The following VPS13D variants were observed in gnomAD, a reference collection of about 807,000 sequenced individuals.
VPS13D encodes vacuolar protein sorting 13 homolog D.
In VPS13D, 187 loss-of-function variants were observed where a neutral mutation model predicts 461.9. The observed-to-expected ratio is 0.40, with a 90% CI of 0.36 to 0.46. The LOEUF (loss-of-function observed/expected upper bound fraction) is 0.46, where lower values mean the gene tolerates loss of function less well. Among genes scored for constraint, VPS13D ranks in the 20% least tolerant of loss-of-function variants. The probability of loss-of-function intolerance (pLI) is 0.60; values close to 1 mark genes in which losing one functional copy is unlikely to be tolerated. For missense variants in VPS13D, 4,711 were observed against 5,364.9 expected, an observed-to-expected ratio of 0.88 and a Z score of 3.81; for synonymous variants, 1,951 against 1,986.3, an observed-to-expected ratio of 0.98 and a Z score of 0.47.
At chr1:12,347,796 G>C (rs1643708005) in intron 44 of VPS13D, among the ~76,000 whole-genome samples, 1 of 152,196 alleles carries the variant, frequency 6.6e-6, no homozygotes, top group Non-Finnish European at 1.5e-5. Context: ...CATTCTAAGA[G>C]TAGTACTTTC....
At chr1:12,296,897 G>T (rs1008411866) in intron 24 of VPS13D, among the ~76,000 whole-genome samples, 32 of 152,092 alleles carry the variant, frequency 2.1e-4, no homozygotes, top group African/African-American at 7.7e-4. Context: ...TGAGTAATTG[G>T]GTTTAACTTC....
Position 12,495,457 on chromosome 1 carries a change from C to T in VPS13D, c.12663-2043C>T, listed in dbSNP as rs890060274. 2.6e-5 allele frequency among the ~76,000 whole-genome samples: 4 copies of T among 152,082 alleles called. No individual in the cohort carries two copies. The highest frequency in any genetic ancestry group is 4.4e-5 in the Non-Finnish European group (3 of 68,016). The stretch of plus-strand genomic sequence containing the variant: ...ACAGGCGTGAGCCACTGCGCCCGGC[C>T]GATGTAACATCTTTTGAAAGGGCCA... On this transcript the variant is annotated intron_variant, in intron 67 of 69. Transcript: ENST00000620676. The surrounding 1 kb of genome is among the most constrained non-coding windows in gnomAD (Gnocchi z 4.0).
chr1:12,379,971 A>G (rs531031399), intron 57 of VPS13D, among the ~76,000 whole-genome samples: 97 of 152,160 alleles, frequency 6.4e-4, no homozygotes, highest in African/African-American at 2.1e-3. Context: ...GAGTTTCACC[A>G]TGTTAGCCAG....
chr1:12,337,130 G>A (rs2101567861), intron 39 of VPS13D: 1 of 151,974 alleles, frequency 6.6e-6, no homozygotes, highest in South Asian at 2.1e-4. Flanking sequence ...ATTAAATGCT[G>A]GTGCTGAGTT....
chr1:12,245,904 G>A (rs533704582), intron 5 of VPS13D, among the ~76,000 whole-genome samples: 4 of 152,258 alleles, frequency 2.6e-5, no homozygotes, highest in African/African-American at 9.6e-5. Flanking sequence ...TGTTTTCAAG[G>A]GTCATCTGTG....
intron 35 of VPS13D, among the ~76,000 whole-genome samples, chr1:12,324,519 C>CTGGA (rs1469978676): frequency 7.9e-5 from 12 of 152,076 alleles, no homozygotes; most frequent in Admixed American, 7.9e-4. Context: ...AAAAGGGGCT[C>CTGGA]TGGAGCTGGC....
chr1:12,338,123 C>A, intron 39 of VPS13D, 108 bp from the exon 40 acceptor site: 1 of 967,414 alleles, frequency 1.0e-6, no homozygotes, highest in Non-Finnish European at 1.6e-6. Flanking sequence ...TTGCATGATG[C>A]TTGCTATTTT....
chr1:12,470,137 G>T (rs1645543399), intron 67 of VPS13D, among the ~76,000 whole-genome samples: 1 of 152,182 alleles, frequency 6.6e-6, no homozygotes, highest in Non-Finnish European at 1.5e-5. Context: ...GATAATGGCA[G>T]GGGTGACCCA....
At chr1:12,405,999 A>G (rs941996144) in intron 63 of VPS13D, among the ~76,000 whole-genome samples, 1 of 152,214 alleles carries the variant, frequency 6.6e-6, no homozygotes, top group Admixed American at 6.5e-5. Context: ...CGCTCGGCAT[A>G]CAATCAACGA....
rs970014601 is a variant in VPS13D at position 12,456,076 on chromosome 1, C to T, written c.12412C>T (p.His4138Tyr). The T allele has an allele frequency of 6.2e-7, 1 of 1,613,880 alleles. No individual in the cohort carries two copies. Among genetic ancestry groups the T allele is most frequent in the Non-Finnish European group, 8.5e-7 (1 of 1,179,906 alleles). The change falls in exon 66 of 70, where the codon CAT (histidine) becomes TAT (tyrosine). Residue 4138 changes from histidine (H) to tyrosine (Y), a missense_variant. This residue lies in a region of VPS13D where 106 missense variants were observed against 206.2 expected (regional missense o/e 0.51). Transcript: ENST00000620676. ...GTCAGAGCGGGAGTACATCAGGTACCATGCAGCCACAAGTGGTGAACACCT... is the reference window on the plus strand; with the variant it reads ...GTCAGAGCGGGAGTACATCAGGTACTATGCAGCCACAAGTGGTGAACACCT... Reference protein sequence around the residue: ...HQSEREYIRYHAATSGEHLVA... With the variant: ...HQSEREYIRYYAATSGEHLVA...
chr1:12,283,687 C>G lies in VPS13D; in HGVS notation c.5585C>G (p.Ser1862Cys). The change falls in exon 21 of 70, where the codon TCC (serine) becomes TGC (cysteine). Residue 1862 changes from serine (S) to cysteine (C), a missense_variant. Ser to Cys is a moderately radical substitution (Grantham distance 112). Transcript: ENST00000620676. ...LHNVKLEPHASMESGLQDPVN... is the reference protein window; with the variant it reads ...LHNVKLEPHACMESGLQDPVN... ...AACGTGAAGTTGGAGCCACATGCCTCCATGGAGTCTGGACTTCAGGATCCA... is the reference window on the plus strand; with the variant it reads ...AACGTGAAGTTGGAGCCACATGCCTGCATGGAGTCTGGACTTCAGGATCCA... 6.2e-7 allele frequency: 1 copy of G among 1,614,138 alleles called. No homozygotes were observed. The highest frequency in any genetic ancestry group is 1.1e-5 in the South Asian group (1 of 91,078).
rs1284035339 is a variant in VPS13D at position 12,334,807 on chromosome 1, G to A, written c.8429-898G>A. 4.6e-5 allele frequency among the ~76,000 whole-genome samples: 7 copies of A among 151,938 alleles called. No individual in the cohort carries two copies. In the South Asian group the frequency reaches 1.0e-3, roughly 23 times the overall value. On this transcript the variant is annotated intron_variant, in intron 38 of 69. Transcript: ENST00000620676. Reference sequence around the variant, plus strand: ...AAAAAATCTTCCAAAAGGCATTCTCGTCAGTGGTAAAATTTGTTTTGTTTT... The same window carrying A: ...AAAAAATCTTCCAAAAGGCATTCTCATCAGTGGTAAAATTTGTTTTGTTTT...
Position 12,279,175 on chromosome 1 carries a change from G to T in VPS13D, c.4451-324G>T, listed in dbSNP as rs1641705624. The stretch of plus-strand genomic sequence containing the variant: ...ATTCGGTTTGGAAAATGCCAGCTTG[G>T]GTGGCTCAGAGAAGCATAATGTAGT... On this transcript the variant is annotated intron_variant, in intron 19 of 69. Transcript: ENST00000620676. The surrounding 1 kb of genome is among the most constrained non-coding windows in gnomAD (Gnocchi z 4.3). Among the ~76,000 whole-genome samples the T allele has an allele frequency of 6.6e-6, 1 of 152,144 alleles. No homozygotes were observed.
rs768297642 is a variant in VPS13D, at chr1:12,267,932, T to C, written c.1801+12T>C. ...TGATCATTACCCAGGTAATTTGTCC[T>C]ATGTTGTTTTTTTAAAATTTTTAAA... On this transcript the variant is annotated intron_variant, in intron 15 of 69. Coordinates refer to ENST00000620676, the MANE Select transcript of VPS13D (RefSeq NM_015378.4). The C allele has an allele frequency of 6.9e-6, 11 of 1,588,346 alleles. No homozygotes were observed. In the South Asian group the frequency reaches 1.2e-4, roughly 17 times the overall value.
At position 12,345,465 on chromosome 1, in the gene VPS13D, T is replaced by A. The variant is rs1643655145; in HGVS notation, c.8977T>A (p.Phe2993Ile). The change falls in exon 43 of 70, where the codon TTT (phenylalanine) becomes ATT (isoleucine). Residue 2993 changes from phenylalanine (F) to isoleucine (I), a missense_variant. Physicochemically the swap from Phe to Ile is conservative, Grantham distance 21 (BLOSUM62 0). Coordinates refer to ENST00000620676, the MANE Select transcript of VPS13D (RefSeq NM_015378.4). ...SPVSVDKVGT[F>I]FRYAAPDKNS... The stretch of plus-strand genomic sequence containing the variant: ...AGTGTCTGTGGACAAAGTCGGGACC[T>A]TTTTTCGATATGCAGCACCAGATAA... The A allele has an allele frequency of 6.2e-7, 1 of 1,613,014 alleles. No homozygotes were observed. Among genetic ancestry groups the A allele is most frequent in the South Asian group, 1.1e-5 (1 of 90,984 alleles).
At chr1:12,401,789 T>C in intron 62 of VPS13D, 85 bp downstream of exon 62, 1 of 1,112,170 alleles carries the variant, frequency 9.0e-7, no homozygotes, top group East Asian at 2.4e-5. Flanking sequence ...AGGTAGCCCC[T>C]TGGTGTCTGA....
chr1:12,325,822 T>A lies in VPS13D; in HGVS notation c.7991-1826T>A, dbSNP rs1331759957. Among the ~76,000 whole-genome samples the A allele has an allele frequency of 1.3e-5, 2 of 152,128 alleles. 1 individual carries two copies. The highest frequency in any genetic ancestry group is 2.9e-5 in the Non-Finnish European group (2 of 68,028). ...ATAATTTACTTAATCATTCTTTACT[T>A]GTTATTCAATATTATACACACTTCT... On this transcript the variant is annotated intron_variant, in intron 35 of 69. Transcript: ENST00000620676.
chr1:12,327,743 G>T lies in VPS13D; in HGVS notation c.8086G>T (p.Val2696Leu). The change falls in exon 36 of 70, where the codon GTG becomes TTG. Residue 2696 changes from valine to leucine, a missense_variant. Around this residue, in one of 3 missense-constraint regions of VPS13D, gnomAD observed 4,411 missense variants for 4,937.8 expected, o/e 0.89. Coordinates refer to ENST00000620676, the MANE Select transcript of VPS13D (RefSeq NM_015378.4). ...CACCAGCCGAGATAGCCCAGGGGCT[G>T]TGGCAGCGCCATTGATCTCTGGCGT... ...ASTSRDSPGA[V>L]AAPLISGVEI... 6.2e-7 allele frequency: 1 copy of T among 1,614,198 alleles called. No homozygotes were observed. Among genetic ancestry groups the T allele is most frequent in the Non-Finnish European group, 8.5e-7 (1 of 1,180,032 alleles).
At chr1:12,490,527 G>A (rs965821610) in intron 67 of VPS13D, among the ~76,000 whole-genome samples, 9 of 152,244 alleles carry the variant, frequency 5.9e-5, no homozygotes, top group Admixed American at 2.6e-4. Flanking sequence ...TTCGTCTTTA[G>A]AAGTAGATGC....
Sources: gnomAD v4.1 joint callset for allele counts (sites outside exome capture counted in the v4.1 genomes callset) on GRCh38, gnomAD v4.1.1 for gene constraint, gnomAD v4.1.1 regional missense constraint, Gnocchi (gnomAD v3.1) non-coding constraint, MANE v1.5 for transcripts, NCBI Gene and HGNC (gene_info 2026-07-23, HGNC 2026-07-21) for gene names.